The following VSTM2A variants were observed in gnomAD, a reference collection of about 807,000 sequenced individuals.
VSTM2A encodes the protein V-set and transmembrane domain containing 2A.
A neutral mutation model predicts 27.3 loss-of-function variants in VSTM2A; 13 were observed. The ratio of observed to expected loss-of-function variants is 0.48; its 90% CI spans 0.31 to 0.76. The LOEUF is 0.76. Among genes scored for constraint, VSTM2A ranks in the 30% least tolerant of loss-of-function variants. VSTM2A has a pLI of 0.05. For synonymous variants in VSTM2A, 142 were observed against 125.7 expected (o/e 1.13, Z -0.87); for missense variants, 280 against 310.0 (o/e 0.90, Z 0.73).
chr7:54,566,841 G>A (rs1325280523), intron 4 of VSTM2A, among the ~76,000 whole-genome samples: 1 of 152,154 alleles, frequency 6.6e-6, no homozygotes, highest in African/African-American at 2.4e-5. Flanking sequence ...CAAAAGAAAA[G>A]CATTTCTGTC....
intron 4 of VSTM2A, among the ~76,000 whole-genome samples, chr7:54,567,079 A>G (rs1471787261): frequency 1.3e-5 from 2 of 152,220 alleles, no homozygotes; most frequent in Admixed American, 6.5e-5. Context: ...GATGAAGTAC[A>G]TATCTTTTCA....
chr7:54,568,771 C>T (rs1445663787), intron 4 of VSTM2A, among the ~76,000 whole-genome samples: 1 of 152,162 alleles, frequency 6.6e-6, no homozygotes, highest in African/African-American at 2.4e-5. Context: ...TTGCCCCTCT[C>T]AGTGTTCCCA....
Position 54,546,952 on chromosome 7 carries a change from G to C in VSTM2A, c.252G>C (p.Glu84Asp). The C allele has an allele frequency of 6.3e-7, 1 of 1,597,638 alleles. No individual in the cohort carries two copies. Among genetic ancestry groups the C allele is most frequent in the East Asian group, 2.3e-5 (1 of 42,928 alleles). The change falls in exon 3 of 5, where the codon GAG (glutamate) becomes GAC (aspartate). Residue 84 changes from glutamate to aspartate, a missense_variant. Physicochemically the swap from Glu to Asp is conservative, Grantham distance 45. Transcript: ENST00000402613. ...CGTTCGCTCCTTGCCCGCAGGTGGA[G>C]CTCTTGCCCGACAGAGACCCGGACA... is the stretch of plus-strand genomic sequence containing the variant. ...PGAEGAGAQV[E>D]LLPDRDPDSD...
intron 4 of VSTM2A, among the ~76,000 whole-genome samples, chr7:54,564,215 T>C (rs1788652690): frequency 6.6e-6 from 1 of 152,248 alleles, no homozygotes; most frequent in Admixed American, 6.5e-5. Flanking sequence ...TTTAGGTTTG[T>C]TGTTATGAGC....
In VSTM2A at chr7:54,569,206, C is replaced by G; in HGVS notation, c.710C>G (p.Pro237Arg). The change falls in exon 5 of 5, where the codon CCC becomes CGC. Residue 237 changes from proline (P) to arginine (R), a missense_variant. Pro to Arg is a moderately radical substitution (Grantham distance 103, BLOSUM62 -2). Coordinates refer to ENST00000402613, the MANE Select transcript of VSTM2A (RefSeq NM_001301009.2). ...LTLNSKHHPA[P>R]TVL ...CTAAACTCCAAGCACCACCCTGCAC[C>G]CACTGTACTCTAATTCACTACACAA... The G allele has an allele frequency of 6.4e-7, 1 of 1,551,606 alleles. No individual in the cohort carries two copies. Among genetic ancestry groups the G allele is most frequent in the Non-Finnish European group, 8.7e-7 (1 of 1,146,952 alleles).
chr7:54,544,922 C>G, intron 2 of VSTM2A, 134 bp downstream of exon 2: 2 of 1,122,876 alleles, frequency 1.8e-6, no homozygotes, highest in Non-Finnish European at 2.5e-6. Context: ...CGAGTGACCC[C>G]CAGGGCTTCT....
At chr7:54,557,772 A>C (rs1265870523) in intron 4 of VSTM2A, 1 of 152,218 alleles carries the variant, frequency 6.6e-6, no homozygotes, top group South Asian at 2.1e-4. Flanking sequence ...TAATATGACT[A>C]TTATTGCATA....
rs1015359751 is a variant in VSTM2A, at chr7:54,542,671, C to T, written c.-60C>T. 15 of 1,534,198 alleles carry T rather than the reference C, an allele frequency of 9.8e-6. No individual in the cohort carries two copies. The highest frequency in any genetic ancestry group is 1.3e-5 in the Non-Finnish European group (15 of 1,115,064). On this transcript the variant is annotated 5_prime_UTR_variant, in exon 1 of 5. Transcript: ENST00000402613. The stretch of plus-strand genomic sequence containing the variant: ...CTGAGCCTGCCATCCACTCGCACGC[C>T]TTTCTTTCAGGGCTTTTCGGCTGTT...
chr7:54,564,632 G>C (rs1239146336), intron 4 of VSTM2A, among the ~76,000 whole-genome samples: 2 of 152,176 alleles, frequency 1.3e-5, no homozygotes, highest in Admixed American at 1.3e-4. Flanking sequence ...AGAGCCCAGA[G>C]CTCTGGTTCT....
At position 54,569,336 on chromosome 7, in the gene VSTM2A, G is replaced by T. The variant is rs1788822071; in HGVS notation, c.*117G>T. 8 of 1,476,760 alleles carry T rather than the reference G, an allele frequency of 5.4e-6. No individual in the cohort carries two copies. The Admixed American group carries it at 1.7e-4, about 32-fold the overall frequency. The allele number at this position is 1,476,760 out of a possible 1,614,324, so 91.5% of individuals were successfully genotyped here. On this transcript the variant is annotated 3_prime_UTR_variant, in exon 5 of 5. Coordinates refer to ENST00000402613, the MANE Select transcript of VSTM2A (RefSeq NM_001301009.2). ...TCTTTTATTTTAAGAGAATTAACGT[G>T]AAGTGATAGAACGTTTTCTAATAGC...
In VSTM2A at chr7:54,570,533, A is replaced by G. The variant is rs1201147873; in HGVS notation, c.*1314A>G. 1 of 152,220 alleles carries G rather than the reference A, an allele frequency of 6.6e-6. No individual in the cohort carries two copies. Among genetic ancestry groups the G allele is most frequent in the Non-Finnish European group, 1.5e-5 (1 of 68,024 alleles). The allele number at this position is 152,220 out of a possible 1,614,324, so 9.4% of individuals were successfully genotyped here. A position where few individuals can be genotyped will look rare whatever the true frequency, so the allele number is the denominator to read the frequency against. On this transcript the variant is annotated 3_prime_UTR_variant, in exon 5 of 5. Transcript: ENST00000402613. ...TGGTTGTTGGCTAAATACAATATGC[A>G]AAAGATGATGGCAGGTCCCCGACTA...
chr7:54,546,854 G>C (rs1176979905), intron 2 of VSTM2A, 93 bp from the exon 3 acceptor site: 40 of 1,531,788 alleles, frequency 2.6e-5, no homozygotes, highest in Non-Finnish European at 3.3e-5. Context: ...TCACCCTGAC[G>C]GCCCTGCCCG....
At chr7:54,555,606 C>T (rs1156619830) in intron 4 of VSTM2A, among the ~76,000 whole-genome samples, 1 of 152,126 alleles carries the variant, frequency 6.6e-6, no homozygotes, top group Non-Finnish European at 1.5e-5. Context: ...CCTAACTGTG[C>T]CTTGTATTGT....
intron 4 of VSTM2A, among the ~76,000 whole-genome samples, chr7:54,566,541 A>T (rs550953392): frequency 6.6e-6 from 1 of 152,336 alleles, no homozygotes; most frequent in East Asian, 1.9e-4. Context: ...ACAGGCAATT[A>T]TCTGAGGGCA....
chr7:54,562,572 C>G (rs1421934714), intron 4 of VSTM2A, among the ~76,000 whole-genome samples: 1 of 152,192 alleles, frequency 6.6e-6, no homozygotes, highest in Non-Finnish European at 1.5e-5. Flanking sequence ...TTATTCTTTT[C>G]TCTGCCCTTT....
At chr7:54,552,356 C>T (rs889324035) in intron 4 of VSTM2A, 1 of 152,174 alleles carries the variant, frequency 6.6e-6, no homozygotes, top group Non-Finnish European at 1.5e-5. Context: ...GAAGCTGGGG[C>T]AGTCCAGTCA....
intron 4 of VSTM2A, among the ~76,000 whole-genome samples, chr7:54,562,891 G>A (rs1243573048): frequency 3.9e-5 from 6 of 152,218 alleles, no homozygotes; most frequent in African/African-American, 1.4e-4. Context: ...TAAAGAGAAT[G>A]CTAACGAATA....
intron 4 of VSTM2A, among the ~76,000 whole-genome samples, chr7:54,566,175 T>C (rs1788714730): frequency 6.6e-6 from 1 of 152,260 alleles, no homozygotes; most frequent in South Asian, 2.1e-4. Context: ...TGGCATTCTG[T>C]GTCCAAGAGA....
chr7:54,546,845 C>T, intron 2 of VSTM2A, 102 bp from the exon 3 acceptor site: 1 of 1,502,254 alleles, frequency 6.7e-7, no homozygotes, highest in Non-Finnish European at 8.9e-7. Flanking sequence ...GTCCCCAGGT[C>T]ACCCTGACGG....
Sources: gnomAD v4.1 joint callset for allele counts (sites outside exome capture counted in the v4.1 genomes callset) on GRCh38, gnomAD v4.1.1 for gene constraint, MANE v1.5 for transcripts, NCBI Gene and HGNC (gene_info 2026-07-23, HGNC 2026-07-21) for gene names.